Variants in NRXN1 observed in about 807,000 individuals in gnomAD.
NRXN1 encodes the protein neurexin-1.
NRXN1 carries 39 observed loss-of-function variants against 150.9 expected under a neutral mutation model. The ratio of observed to expected loss-of-function variants is 0.26; its 90% CI spans 0.20 to 0.34. The LOEUF (loss-of-function observed/expected upper bound fraction) is 0.34, where lower values mean the gene tolerates loss of function less well. Among genes scored for constraint, NRXN1 ranks in the 10% least tolerant of loss-of-function variants. The pLI is 1.00. For synonymous variants in NRXN1, 924 were observed against 757.0 expected (o/e 1.22, Z -3.62); for missense variants, 1,815 against 1,949.9 (o/e 0.93, Z 1.30).
At chr2:50,661,187 A>G (rs1306103619) in intron 5 of NRXN1, among the ~76,000 whole-genome samples, 1 of 152,028 alleles carries the variant, frequency 6.6e-6, no homozygotes, top group Non-Finnish European at 1.5e-5. Context: ...CTCACAGCAA[A>G]TGGTGACAAT....
chr2:50,654,333 T>C (rs1341943458), intron 5 of NRXN1, among the ~76,000 whole-genome samples: 1 of 151,556 alleles, frequency 6.6e-6, no homozygotes, highest in Non-Finnish European at 1.5e-5. Context: ...TCCAGCTTCA[T>C]CCATGTCCCT....
At chr2:50,383,599 C>G (rs1187331014) in intron 17 of NRXN1, among the ~76,000 whole-genome samples, 1 of 152,010 alleles carries the variant, frequency 6.6e-6, no homozygotes, top group Non-Finnish European at 1.5e-5. Flanking sequence ...TTGGCCACAC[C>G]CCCTACTATG....
intron 8 of NRXN1, among the ~76,000 whole-genome samples, chr2:50,606,304 T>C (rs1677112447): frequency 7.2e-6 from 1 of 139,278 alleles, no homozygotes; most frequent in African/African-American, 2.7e-5. Flanking sequence ...TCAACAAGAA[T>C]GAGCCTGAGG....
intron 21 of NRXN1, among the ~76,000 whole-genome samples, chr2:49,977,888 C>T (rs563801325): frequency 1.2e-4 from 19 of 152,142 alleles, no homozygotes; most frequent in African/African-American, 2.4e-4. Flanking sequence ...GAAAATGTAG[C>T]GGGGCGGTGG....
intron 21 of NRXN1, among the ~76,000 whole-genome samples, chr2:49,972,196 C>T (rs924621964): frequency 6.6e-6 from 1 of 152,066 alleles, no homozygotes; most frequent in African/African-American, 2.4e-5. Flanking sequence ...GATTTTCATC[C>T]TCCTTCAGTC....
intron 16 of NRXN1, among the ~76,000 whole-genome samples, chr2:50,470,297 T>C (rs2089334565): frequency 6.6e-6 from 1 of 151,778 alleles, no homozygotes; most frequent in African/African-American, 2.4e-5. Context: ...CCTTAACAAT[T>C]TTGTCTCTCT....
intron 18 of NRXN1, among the ~76,000 whole-genome samples, chr2:50,193,603 G>A (rs1310338309): frequency 1.3e-5 from 2 of 152,066 alleles, no homozygotes; most frequent in Non-Finnish European, 2.9e-5. Context: ...ATTGCCCTGA[G>A]TAAAGCTTTA....
intron 21 of NRXN1, chr2:49,974,320 C>T (rs572288848): frequency 2.1e-6 from 1 of 473,742 alleles, no homozygotes; most frequent in East Asian, 4.6e-5. Context: ...AGCCCGGCAC[C>T]ACTCAAAAAG....
At chr2:50,911,809 T>C (rs1374703771) in intron 5 of NRXN1, among the ~76,000 whole-genome samples, 1 of 151,850 alleles carries the variant, frequency 6.6e-6, no homozygotes, top group Non-Finnish European at 1.5e-5. Context: ...TTTTGTCTTT[T>C]TGTAAAGCAC....
chr2:50,975,778 A>G (rs1695723574), intron 2 of NRXN1, among the ~76,000 whole-genome samples: 1 of 152,064 alleles, frequency 6.6e-6, no homozygotes, highest in South Asian at 2.1e-4. Flanking sequence ...CTGAGGATTC[A>G]TACCAGTCAA....
chr2:50,296,540 T>TATC (rs2073593906), intron 17 of NRXN1, among the ~76,000 whole-genome samples: 1 of 146,452 alleles, frequency 6.8e-6, no homozygotes, highest in Admixed American at 6.7e-5. Flanking sequence ...TTATTATCAT[T>TATC]ATTATTATTA....
In NRXN1 at chr2:50,192,020, T is replaced by A. The variant is rs184213102; in HGVS notation, c.3546+44769A>T. On this transcript the variant is annotated intron_variant, in intron 18 of 22. Transcript: ENST00000401669. ...AGTAAGAGGGCATACTTTCATAAAG[T>A]TTTTTTTTAAGTCCTAAAAAGAGGA... 6.0e-3 allele frequency among the ~76,000 whole-genome samples: 900 copies of A among 151,066 alleles called. 6 individuals are homozygous for A. The highest frequency in any genetic ancestry group is 9.1e-3 in the Non-Finnish European group (613 of 67,502).
chr2:49,949,374 A>G (rs1012814841), intron 21 of NRXN1, among the ~76,000 whole-genome samples: 2 of 151,980 alleles, frequency 1.3e-5, no homozygotes, highest in Non-Finnish European at 2.9e-5. Flanking sequence ...GCTTAACTGC[A>G]TATCTGTGTG....
chr2:50,534,338 C>A (rs2093197872), intron 10 of NRXN1, among the ~76,000 whole-genome samples: 1 of 152,224 alleles, frequency 6.6e-6, no homozygotes, highest in South Asian at 2.1e-4. Flanking sequence ...ACAGGGGCCT[C>A]ATGGTTAGGC....
intron 5 of NRXN1, among the ~76,000 whole-genome samples, chr2:50,804,632 A>C (rs867885032): frequency 1.6e-4 from 25 of 152,202 alleles, no homozygotes; most frequent in African/African-American, 5.3e-4. Context: ...ACAAAAGAAA[A>C]GGAAGTAAAA....
chr2:50,518,490 TA>T (rs775575348), intron 12 of NRXN1, among the ~76,000 whole-genome samples: 7 of 151,966 alleles, frequency 4.6e-5, no homozygotes, highest in Admixed American at 1.3e-4. Context: ...TACTGATTTA[TA>T]GTAATACTCA....
chr2:50,712,322 C>T (rs891646426), intron 5 of NRXN1, among the ~76,000 whole-genome samples: 8 of 152,060 alleles, frequency 5.3e-5, no homozygotes, highest in Non-Finnish European at 1.2e-4. Context: ...TAATTAATTG[C>T]TATTTTTTAA....
chr2:50,811,223 A>C (rs1484276270), intron 5 of NRXN1, among the ~76,000 whole-genome samples: 1 of 152,202 alleles, frequency 6.6e-6, no homozygotes, highest in East Asian at 1.9e-4. Context: ...TCCTTGAAAC[A>C]TCCCTGTGAC....
chr2:50,564,508 T>A (rs13035755), intron 8 of NRXN1, among the ~76,000 whole-genome samples: 1 of 152,098 alleles, frequency 6.6e-6, no homozygotes, highest in Non-Finnish European at 1.5e-5. Flanking sequence ...ACAAATAGTA[T>A]TTTTAAAGTA....
Sources: gnomAD v4.1 joint callset for allele counts (sites outside exome capture counted in the v4.1 genomes callset) on GRCh38, gnomAD v4.1.1 for gene constraint, MANE v1.5 for transcripts, NCBI Gene and HGNC (gene_info 2026-07-23, HGNC 2026-07-21) for gene names.